The following LRBA variants were observed in gnomAD, a reference collection of about 807,000 sequenced individuals.
LRBA encodes the protein LPS responsive beige-like anchor protein.
Under a neutral mutation model 330.0 loss-of-function variants are expected in LRBA, and 176 were observed. The ratio of observed to expected loss-of-function variants is 0.53; its 90% CI spans 0.47 to 0.60. LRBA has a LOEUF of 0.60. LRBA is among the 20% of genes least tolerant of loss of function. LRBA has a pLI of 0.00. For synonymous variants in LRBA, 1,230 were observed against 1,193.0 expected, an observed-to-expected ratio of 1.03 and a Z score of -0.64; for missense variants, 3,259 against 3,444.8, an observed-to-expected ratio of 0.95 and a Z score of 1.35.
chr4:150,517,464 T>C (rs1762472448), intron 40 of LRBA, among the ~76,000 whole-genome samples: 1 of 152,036 alleles, frequency 6.6e-6, no homozygotes, highest in Non-Finnish European at 1.5e-5. Context: ...GAAGCTGCAG[T>C]AAGCCATGAT....
At position 150,914,197 on chromosome 4, in the gene LRBA, T is replaced by C. The variant is rs761872623; in HGVS notation, c.1159A>G (p.Lys387Glu). ...GCACAAAACAGTAAGCAAACTACCT[T>C]GTATCCCAGGCCCAACTGATAAATA... Reference protein sequence around the residue: ...FAIYQLGLGYKGTFKFKAESD... With the variant: ...FAIYQLGLGYEGTFKFKAESD... The change falls in exon 9 of 57, where the codon AAG becomes GAG. Residue 387 changes from lysine (K) to glutamate (E), a missense_variant and splice_region_variant. By Grantham distance (56) the Lys-to-Glu change is moderately conservative. Coordinates refer to ENST00000651943, the MANE Select transcript of LRBA (RefSeq NM_001364905.1). The C allele has an allele frequency of 1.2e-6, 2 of 1,604,678 alleles. No homozygotes were observed. Among genetic ancestry groups the C allele is most frequent in the Non-Finnish European group, 1.7e-6 (2 of 1,175,146 alleles).
In LRBA at chr4:150,559,940, C is replaced by CTATATAAATA. The variant is rs1217045390; in HGVS notation, c.6330+28098_6330+28107dup. On this transcript the variant is annotated intron_variant, in intron 40 of 56. Transcript: ENST00000651943. ...TATATAAATATAAATATATATATAT[C>CTATATAAATA]TATATAAATATATATATAAATATAT... is the stretch of plus-strand genomic sequence containing the variant. 2.3e-3 allele frequency among the ~76,000 whole-genome samples: 218 copies of CTATATAAATA among 93,072 alleles called. 2 individuals are homozygous for CTATATAAATA. Among genetic ancestry groups the CTATATAAATA allele is most frequent in the African/African-American group, 9.1e-3 (210 of 23,074 alleles). The allele number at this position is 93,072 out of a possible 152,430, so 61.1% of individuals were successfully genotyped here.
At chr4:150,749,487 G>A (rs542314808) in intron 35 of LRBA, among the ~76,000 whole-genome samples, 16 of 152,252 alleles carry the variant, frequency 1.1e-4, no homozygotes, top group Admixed American at 2.6e-4. Context: ...CAACCCCAGT[G>A]ACTCATGCCT....
At chr4:150,713,043 C>T (rs1786390385) in intron 36 of LRBA, among the ~76,000 whole-genome samples, 1 of 152,068 alleles carries the variant, frequency 6.6e-6, no homozygotes, top group South Asian at 2.1e-4. Flanking sequence ...CTCAAGCAAT[C>T]TGCCCACCTC....
chr4:150,888,109 AG>A (rs1729137048), intron 17 of LRBA, among the ~76,000 whole-genome samples: 1 of 152,212 alleles, frequency 6.6e-6, no homozygotes, highest in Non-Finnish European at 1.5e-5. Flanking sequence ...AGCCAACAGA[AG>A]AAAAACACAG....
intron 35 of LRBA, among the ~76,000 whole-genome samples, chr4:150,748,195 C>T (rs1733013094): frequency 6.6e-6 from 1 of 152,150 alleles, no homozygotes; most frequent in African/African-American, 2.4e-5. Flanking sequence ...GTTTATTTCT[C>T]TCCATCATCA....
At chr4:150,622,170 G>A (rs1168620361) in intron 37 of LRBA, among the ~76,000 whole-genome samples, 1 of 152,164 alleles carries the variant, frequency 6.6e-6, no homozygotes, top group Non-Finnish European at 1.5e-5. Context: ...TAATGCAATG[G>A]CCTGTTTAGA....
chr4:150,638,164 T>G (rs936596902), intron 37 of LRBA, among the ~76,000 whole-genome samples: 1 of 151,934 alleles, frequency 6.6e-6, no homozygotes, highest in Admixed American at 6.6e-5. Context: ...CCCGAAAAGC[T>G]GGGATTACAG....
chr4:150,703,078 T>C (rs1301210001), intron 36 of LRBA, among the ~76,000 whole-genome samples: 1 of 152,186 alleles, frequency 6.6e-6, no homozygotes, highest in African/African-American at 2.4e-5. Context: ...TAAGAATCGC[T>C]TGAACCCTGG....
intron 34 of LRBA, among the ~76,000 whole-genome samples, chr4:150,772,902 G>T (rs1315737775): frequency 6.6e-6 from 1 of 152,042 alleles, no homozygotes; most frequent in Admixed American, 6.5e-5. Flanking sequence ...TGAGGAATAC[G>T]TTGCCTCTAA....
chr4:150,308,077 G>A (rs1350415941), intron 52 of LRBA, among the ~76,000 whole-genome samples: 1 of 152,102 alleles, frequency 6.6e-6, no homozygotes, highest in Non-Finnish European at 1.5e-5. Context: ...AAGACTGAAA[G>A]ATGATTTACC....
At chr4:150,634,133 T>C (rs981234881) in intron 37 of LRBA, among the ~76,000 whole-genome samples, 9 of 152,078 alleles carry the variant, frequency 5.9e-5, no homozygotes, top group African/African-American at 2.2e-4. Context: ...AGTTTTCCCG[T>C]CTTCATCTAG....
chr4:150,436,684 A>C, intron 45 of LRBA, 40 bp downstream of exon 45: 1 of 1,569,266 alleles, frequency 6.4e-7, no homozygotes, highest in Non-Finnish European at 8.7e-7. Context: ...CACAACACTG[A>C]ATTTATTTAG....
chr4:150,872,520 C>A, intron 18 of LRBA, 143 bp downstream of exon 18: 3 of 519,340 alleles, frequency 5.8e-6, no homozygotes, highest in Non-Finnish European at 6.8e-6. Flanking sequence ...AAAATATGTA[C>A]TAGTGGGATT....
At chr4:150,281,325 T>TACTCGCTTTTATTTTTCCCTACCTTCCCA (rs1747489941) in intron 55 of LRBA, among the ~76,000 whole-genome samples, 2 of 152,068 alleles carry the variant, frequency 1.3e-5, no homozygotes, top group Non-Finnish European at 2.9e-5. Flanking sequence ...GCGTGCCTCG[T>TACTCGCTTTTATTTTTCCCTACCTTCCCA]GGAGGCCGGC....
intron 28 of LRBA, among the ~76,000 whole-genome samples, chr4:150,840,106 T>C (rs940762494): frequency 6.6e-6 from 1 of 152,210 alleles, no homozygotes; most frequent in Non-Finnish European, 1.5e-5. Context: ...TTGAAGAGCG[T>C]TGGAGCCTTA....
In LRBA at chr4:151,014,378, C is replaced by T. The variant is rs1258836114; in HGVS notation, c.216+49G>A. 2.0e-6 allele frequency: 3 copies of T among 1,480,786 alleles called. No individual in the cohort carries two copies. In the South Asian group the frequency reaches 3.5e-5, roughly 17 times the overall value. 91.7% of individuals were successfully genotyped at this position (1,480,786 alleles called of 1,614,324 possible). A position where few individuals can be genotyped will look rare whatever the true frequency, so the allele number is the denominator to read the frequency against. The stretch of plus-strand genomic sequence containing the variant: ...TGGCTCCAGCTTTAAGATCTTGTTC[C>T]CCAACCCACTGAAAAGAGTATATGC... On this transcript the variant is annotated intron_variant, in intron 2 of 56. Transcript: ENST00000651943.
At position 150,921,286 on chromosome 4, in the gene LRBA, T is replaced by C. The variant is rs1315109944; in HGVS notation, c.557A>G (p.His186Arg). ...LQGDKGRWPP[H>R]AGKLLSVLKH... Reference sequence around the variant, plus strand: ...TAACACAGACAGCAACTTCCCAGCATGTGGAGGCTATGAAGATAATTAACA... The same window carrying C: ...TAACACAGACAGCAACTTCCCAGCACGTGGAGGCTATGAAGATAATTAACA... Residue 186 changes from histidine to arginine, a missense_variant, in exon 5 of 57, where the codon CAT becomes CGT. Physicochemically the swap from His to Arg is conservative, Grantham distance 29. Coordinates refer to ENST00000651943, the MANE Select transcript of LRBA (RefSeq NM_001364905.1). 11 of 1,600,340 alleles carry C rather than the reference T, an allele frequency of 6.9e-6. No individual in the cohort carries two copies. The highest frequency in any genetic ancestry group is 1.1e-5 in the South Asian group (1 of 90,780).
intron 37 of LRBA, among the ~76,000 whole-genome samples, chr4:150,619,436 TTTAG>T (rs1254481629): frequency 6.6e-6 from 1 of 152,162 alleles, no homozygotes; most frequent in Non-Finnish European, 1.5e-5. Flanking sequence ...TTAGAAAACA[TTTAG>T]TTAGTCTTCA....
Sources: allele counts gnomAD v4.1 joint callset (sites outside exome capture counted in the v4.1 genomes callset), GRCh38; gene constraint gnomAD v4.1.1; transcripts MANE v1.5; gene names NCBI Gene and HGNC (gene_info 2026-07-23, HGNC 2026-07-21).